DNAJC6: variants seen among roughly 807,000 people sequenced by gnomAD.
The protein encoded by DNAJC6 is auxilin.
Under a neutral mutation model 110.0 loss-of-function variants are expected in DNAJC6, and 34 were observed. The ratio of observed to expected loss-of-function variants is 0.31; its 90% CI spans 0.24 to 0.41. The LOEUF (loss-of-function observed/expected upper bound fraction) is 0.41. Ranked by LOEUF, DNAJC6 falls within the 10% of genes least tolerant of loss-of-function variation. The probability of loss-of-function intolerance (pLI) is 1.00; values close to 1 mark genes in which losing one functional copy is unlikely to be tolerated. For synonymous variants in DNAJC6, 406 were observed against 437.2 expected (o/e 0.93, Z 0.89); for missense variants, 1,031 against 1,207.8 (o/e 0.85, Z 2.17).
At chr1:65,314,253 T>C (rs1293336454) in intron 1 of DNAJC6, among the ~76,000 whole-genome samples, 1 of 151,694 alleles carries the variant, frequency 6.6e-6, no homozygotes, top group Non-Finnish European at 1.5e-5. Flanking sequence ...TACCATGTAG[T>C]GTGAGTCTGG....
intron 4 of DNAJC6, among the ~76,000 whole-genome samples, chr1:65,373,056 T>C (rs1645723071): frequency 6.6e-6 from 1 of 152,210 alleles, no homozygotes. Flanking sequence ...GTAAAAAACA[T>C]GCAATATTTA....
chr1:65,330,369 A>G (rs952436246), intron 1 of DNAJC6, among the ~76,000 whole-genome samples: 1 of 151,990 alleles, frequency 6.6e-6, no homozygotes, highest in African/African-American at 2.4e-5. Flanking sequence ...CTTTGTGCAC[A>G]TTGTCTACAA....
chr1:65,274,949 A>G (rs1653619644), intron 1 of DNAJC6, among the ~76,000 whole-genome samples: 1 of 152,082 alleles, frequency 6.6e-6, no homozygotes, highest in African/African-American at 2.4e-5. Flanking sequence ...TGATTACCCC[A>G]GTGCTTCTTA....
chr1:65,396,728 C>G (rs1185164278), intron 13 of DNAJC6, among the ~76,000 whole-genome samples: 1 of 152,174 alleles, frequency 6.6e-6, no homozygotes, highest in Non-Finnish European at 1.5e-5. Context: ...TGTCATCTCT[C>G]TCTCTCTATT....
intron 1 of DNAJC6, among the ~76,000 whole-genome samples, chr1:65,293,244 A>G (rs1644897616): frequency 6.6e-6 from 1 of 152,244 alleles, no homozygotes; most frequent in South Asian, 2.1e-4. Flanking sequence ...CCTGGCTTGC[A>G]GAAGGCTGCT....
intron 1 of DNAJC6, among the ~76,000 whole-genome samples, chr1:65,311,215 GTTTTTTTTTTT>G (rs71056098): frequency 1.3e-4 from 9 of 68,830 alleles, no homozygotes; most frequent in Admixed American, 6.8e-4. Context: ...TTTCAGGACT[GTTTTTTTTTTT>G]TTTTTTTTTT....
chr1:65,321,087 TAGAG>T (rs1399419735), intron 1 of DNAJC6, among the ~76,000 whole-genome samples: 2 of 152,176 alleles, frequency 1.3e-5, no homozygotes, highest in African/African-American at 2.4e-5. Context: ...GCTGCTTGCA[TAGAG>T]AGAGTTTGAG....
At chr1:65,333,562 G>A (rs900309010) in intron 1 of DNAJC6, among the ~76,000 whole-genome samples, 1 of 151,990 alleles carries the variant, frequency 6.6e-6, no homozygotes, top group African/African-American at 2.4e-5. Context: ...TGACAGCATC[G>A]GGATTCCAAC....
At chr1:65,339,871 T>C (rs6588132) in intron 1 of DNAJC6, among the ~76,000 whole-genome samples, 111,538 of 152,168 alleles carry the variant, frequency 0.73, 42,303 homozygotes, top group African/African-American at 0.94. Context: ...GATTTGAATG[T>C]TTCTGTTCCA....
At chr1:65,402,067 G>T (rs1489386924) in intron 15 of DNAJC6, among the ~76,000 whole-genome samples, 187 bp downstream of exon 15, 1 of 152,236 alleles carries the variant, frequency 6.6e-6, no homozygotes, top group Non-Finnish European at 1.5e-5. Context: ...CAGATGTGGG[G>T]TTAGAAATCA....
At chr1:65,292,345 T>TA (rs975576683) in intron 1 of DNAJC6, among the ~76,000 whole-genome samples, 3 of 151,358 alleles carry the variant, frequency 2.0e-5, no homozygotes, top group Non-Finnish European at 2.9e-5. Context: ...TTTTTTTTTT[T>TA]AATGAATATT....
chr1:65,386,313 G>A (rs1645871589), intron 7 of DNAJC6, among the ~76,000 whole-genome samples: 1 of 152,190 alleles, frequency 6.6e-6, no homozygotes, highest in African/African-American at 2.4e-5. Flanking sequence ...TAAAGAGCAG[G>A]TGCCAGTGGG....
chr1:65,411,252 T>A lies in DNAJC6; in HGVS notation c.2637T>A (p.Ile879=). 6.2e-7 allele frequency: 1 copy of A among 1,612,246 alleles called. No homozygotes were observed. Among genetic ancestry groups the A allele is most frequent in the Non-Finnish European group, 8.5e-7 (1 of 1,178,622 alleles). ...CTTAATCCCCTTTGTGTTTACAGAT[T>A]CTGGAATGGATTGAAGGCAAAGAAA... ...AKEMDPEKLK[I]LEWIEGKERN... Residue 879 remains isoleucine (I), a splice_region_variant and synonymous_variant, in exon 18 of 19, where the codon ATT becomes ATA. Coordinates refer to ENST00000371069, the MANE Select transcript of DNAJC6 (RefSeq NM_001256864.2).
chr1:65,334,808 C>T (rs1645320028), intron 1 of DNAJC6, among the ~76,000 whole-genome samples: 1 of 152,152 alleles, frequency 6.6e-6, no homozygotes, highest in African/African-American at 2.4e-5. Flanking sequence ...TCTACCCATT[C>T]TTACTCCATA....
At chr1:65,331,974 C>T (rs1196601898) in intron 1 of DNAJC6, among the ~76,000 whole-genome samples, 1 of 152,144 alleles carries the variant, frequency 6.6e-6, no homozygotes. Context: ...GCCACATGTT[C>T]CTTACTCTGG....
chr1:65,312,401 T>G (rs1292826346), intron 1 of DNAJC6, among the ~76,000 whole-genome samples: 1 of 152,242 alleles, frequency 6.6e-6, no homozygotes, highest in East Asian at 1.9e-4. Flanking sequence ...AGTTCTTTCT[T>G]CTAAGATCCT....
intron 7 of DNAJC6, 101 bp downstream of exon 7, chr1:65,386,007 G>A (rs1168962606): frequency 8.6e-7 from 1 of 1,157,818 alleles, no homozygotes; most frequent in South Asian, 1.7e-5. Flanking sequence ...CTATATCATT[G>A]TGAAATAGCT....
chr1:65,289,485 C>T (rs780345752), intron 1 of DNAJC6, among the ~76,000 whole-genome samples: 1 of 152,188 alleles, frequency 6.6e-6, no homozygotes, highest in Non-Finnish European at 1.5e-5. Flanking sequence ...TGAGCCACTG[C>T]ACCAGGCCAG....
intron 1 of DNAJC6, among the ~76,000 whole-genome samples, chr1:65,326,811 G>A (rs1336410779): frequency 6.6e-6 from 1 of 152,170 alleles, no homozygotes; most frequent in East Asian, 1.9e-4. Flanking sequence ...AGTTCTCAAC[G>A]ATCATCTGTC....
Sources: allele counts gnomAD v4.1 joint callset (sites outside exome capture counted in the v4.1 genomes callset), GRCh38; gene constraint gnomAD v4.1.1; transcripts MANE v1.5; gene names NCBI Gene and HGNC (gene_info 2026-07-23, HGNC 2026-07-21).